The following EFNA5 variants were observed in gnomAD, a reference collection of about 807,000 sequenced individuals.
EFNA5 encodes the protein ephrin-A5.
Under a neutral mutation model 22.9 loss-of-function variants are expected in EFNA5, and 5 were observed. The observed-to-expected ratio is 0.22, with a 90% CI of 0.11 to 0.46. The LOEUF (loss-of-function observed/expected upper bound fraction) is 0.46. EFNA5 is among the 20% of genes least tolerant of loss of function. The pLI is 0.99. For missense variants in EFNA5, 237 were observed against 293.3 expected, an observed-to-expected ratio of 0.81 and a Z score of 1.40; for synonymous variants, 113 against 112.2, an observed-to-expected ratio of 1.01 and a Z score of -0.04.
intron 2 of EFNA5, among the ~76,000 whole-genome samples, chr5:107,401,911 AG>A (rs1333806219): frequency 6.6e-6 from 1 of 152,190 alleles, no homozygotes; most frequent in East Asian, 1.9e-4. Context: ...TCTGCTCTGT[AG>A]GAACAAAAAC....
At chr5:107,579,613 TAATAGTA>T (rs1209188127) in intron 1 of EFNA5, among the ~76,000 whole-genome samples, 2 of 140,308 alleles carry the variant, frequency 1.4e-5, no homozygotes, top group African/African-American at 5.6e-5. Context: ...AAGCCACAGT[TAATAGTA>T]TTATAGTCCT....
At chr5:107,632,792 A>C (rs1352704245) in intron 1 of EFNA5, among the ~76,000 whole-genome samples, 1 of 152,226 alleles carries the variant, frequency 6.6e-6, no homozygotes, top group Non-Finnish European at 1.5e-5. Flanking sequence ...TTTAACTATT[A>C]TAGGAGATCT....
intron 1 of EFNA5, among the ~76,000 whole-genome samples, chr5:107,521,322 C>T (rs573761160): frequency 2.6e-4 from 39 of 152,014 alleles, no homozygotes; most frequent in African/African-American, 8.4e-4. Flanking sequence ...TCTCATCTCG[C>T]TCTGTGGCCC....
chr5:107,431,094 T>C (rs1230091066), intron 1 of EFNA5, among the ~76,000 whole-genome samples: 1 of 152,154 alleles, frequency 6.6e-6, no homozygotes, highest in African/African-American at 2.4e-5. Flanking sequence ...TTTCTACCCT[T>C]TTAGCAGCCA....
chr5:107,534,008 T>C (rs1419555354), intron 1 of EFNA5, among the ~76,000 whole-genome samples: 2 of 152,198 alleles, frequency 1.3e-5, no homozygotes, highest in Admixed American at 6.5e-5. Flanking sequence ...TTTATGATGC[T>C]ATAAAGACTG....
intron 1 of EFNA5, among the ~76,000 whole-genome samples, chr5:107,554,794 T>TA (rs1404917661): frequency 2.0e-5 from 3 of 152,126 alleles, no homozygotes; most frequent in Admixed American, 2.0e-4. Context: ...AACCGAGTCT[T>TA]AAAAAGGCTA....
At chr5:107,498,862 T>C (rs903026870) in intron 1 of EFNA5, among the ~76,000 whole-genome samples, 1 of 152,210 alleles carries the variant, frequency 6.6e-6, no homozygotes, top group African/African-American at 2.4e-5. Flanking sequence ...CTGCAGGGGA[T>C]AGACTACATA....
intron 1 of EFNA5, among the ~76,000 whole-genome samples, chr5:107,499,715 G>T (rs1418238051): frequency 1.3e-5 from 2 of 152,158 alleles, no homozygotes; most frequent in South Asian, 2.1e-4. Context: ...AGTTAGCAGG[G>T]TTGCTATTTT....
chr5:107,533,023 T>C (rs1747851592), intron 1 of EFNA5, among the ~76,000 whole-genome samples: 1 of 152,100 alleles, frequency 6.6e-6, no homozygotes, highest in Non-Finnish European at 1.5e-5. Flanking sequence ...GCTCCTGAGA[T>C]GTACCTTTTT....
intron 1 of EFNA5, among the ~76,000 whole-genome samples, chr5:107,667,496 C>G (rs1437813059): frequency 2.6e-5 from 4 of 151,972 alleles, no homozygotes; most frequent in Non-Finnish European, 4.4e-5. Flanking sequence ...ACAAGTGACA[C>G]AAGTTACACA....
At chr5:107,579,289 C>T (rs1748991188) in intron 1 of EFNA5, among the ~76,000 whole-genome samples, 1 of 152,096 alleles carries the variant, frequency 6.6e-6, no homozygotes, top group Non-Finnish European at 1.5e-5. Flanking sequence ...TGACATGGAG[C>T]CAGGTTCAAC....
At chr5:107,443,163 G>A (rs886854864) in intron 1 of EFNA5, among the ~76,000 whole-genome samples, 1 of 152,168 alleles carries the variant, frequency 6.6e-6, no homozygotes, top group Admixed American at 6.5e-5. Context: ...TGATTAGGAT[G>A]CTGTGCTGGG....
chr5:107,615,669 A>T (rs184327293), intron 1 of EFNA5, among the ~76,000 whole-genome samples: 1 of 152,258 alleles, frequency 6.6e-6, no homozygotes, highest in Non-Finnish European at 1.5e-5. Context: ...CAAAAAACAA[A>T]CAAACAAAAA....
At position 107,520,582 on chromosome 5, in the gene EFNA5, G is replaced by C. The variant is rs202154552; in HGVS notation, c.126-93073C>G. ...TTCTGTCTTTCATCTGGTAGGCAAG[G>C]GGGAGCTCCTAGTGGAGTTCAGTTT... On this transcript the variant is annotated intron_variant, in intron 1 of 4. Transcript: ENST00000333274. 4.6e-5 allele frequency among the ~76,000 whole-genome samples: 7 copies of C among 152,252 alleles called. No individual in the cohort carries two copies. In the East Asian group the frequency reaches 1.4e-3, roughly 29 times the overall value.
intron 2 of EFNA5, among the ~76,000 whole-genome samples, chr5:107,420,099 G>T (rs1748614120): frequency 6.6e-6 from 1 of 152,114 alleles, no homozygotes. Flanking sequence ...GATGACTAAA[G>T]TAAGGCACTG....
At chr5:107,670,459 G>C in intron 1 of EFNA5, 30 bp downstream of exon 1, 1 of 1,545,434 alleles carries the variant, frequency 6.5e-7, no homozygotes, top group Non-Finnish European at 8.7e-7. Flanking sequence ...GGCCCGGGTA[G>C]CCCTGGCTCT....
intron 2 of EFNA5, among the ~76,000 whole-genome samples, chr5:107,426,152 C>T (rs1327512688): frequency 6.6e-6 from 1 of 152,228 alleles, no homozygotes; most frequent in African/African-American, 2.4e-5. Flanking sequence ...ATCTTTTCAT[C>T]TTGCATCCCC....
At chr5:107,549,552 C>A (rs1017014025) in intron 1 of EFNA5, among the ~76,000 whole-genome samples, 2 of 152,238 alleles carry the variant, frequency 1.3e-5, no homozygotes, top group Non-Finnish European at 2.9e-5. Context: ...AACAGATGGG[C>A]CTGGACCATC....
At chr5:107,559,997 A>G (rs1017645607) in intron 1 of EFNA5, among the ~76,000 whole-genome samples, 21 of 152,162 alleles carry the variant, frequency 1.4e-4, no homozygotes, top group African/African-American at 5.1e-4. Flanking sequence ...GGGATAATAT[A>G]TTCATATTGG....
Sources: allele counts gnomAD v4.1 joint callset (sites outside exome capture counted in the v4.1 genomes callset), GRCh38; gene constraint gnomAD v4.1.1; transcripts MANE v1.5; gene names NCBI Gene and HGNC (gene_info 2026-07-23, HGNC 2026-07-21).